Variants in CHMP3 observed in about 807,000 individuals in gnomAD.
The protein encoded by CHMP3 is charged multivesicular body protein 3.
CHMP3 carries 8 observed loss-of-function variants against 27.4 expected under a neutral mutation model. The ratio of observed to expected loss-of-function variants is 0.29; its 90% confidence interval spans 0.17 to 0.53. CHMP3 has a LOEUF of 0.53. Ranked by LOEUF, CHMP3 falls within the 20% of genes least tolerant of loss-of-function variation. The pLI, the probability that CHMP3 is intolerant of heterozygous loss-of-function variation, is 0.96. For missense variants in CHMP3, 208 were observed against 271.5 expected (o/e 0.77, Z 1.64); for synonymous variants, 86 against 85.5 (o/e 1.01, Z -0.03).
intron 3 of CHMP3, chr2:86,510,815 A>C: frequency 4.0e-6 from 1 of 248,944 alleles, no homozygotes; most frequent in Non-Finnish European, 7.9e-6. Flanking sequence ...AGAGCTCCAG[A>C]CCTTGTAAAG....
chr2:86,556,269 C>T (rs1677117705), intron 1 of CHMP3, among the ~76,000 whole-genome samples: 1 of 152,186 alleles, frequency 6.6e-6, no homozygotes, highest in African/African-American at 2.4e-5. Flanking sequence ...TAGGATTTTG[C>T]ATATCTTTCA....
At chr2:86,516,355 A>T (rs1052478048) in intron 3 of CHMP3, among the ~76,000 whole-genome samples, 2 of 152,204 alleles carry the variant, frequency 1.3e-5, no homozygotes, top group Admixed American at 1.3e-4. Flanking sequence ...TTGAAGACAC[A>T]GAAAAGTAGA....
intron 3 of CHMP3, among the ~76,000 whole-genome samples, chr2:86,517,332 T>G (rs111991344): frequency 0.041 from 6,248 of 150,666 alleles, 192 homozygotes; most frequent in African/African-American, 0.085. Flanking sequence ...TTTGGGAGAC[T>G]GAGGAGGGCA....
intron 2 of CHMP3, among the ~76,000 whole-genome samples, chr2:86,536,059 G>A (rs1676124997): frequency 7.0e-6 from 1 of 143,586 alleles, no homozygotes; most frequent in African/African-American, 2.5e-5. Context: ...GCAGTGGCGG[G>A]ATCTCGGCTC....
At chr2:86,546,048 G>A (rs926491173) in intron 1 of CHMP3, among the ~76,000 whole-genome samples, 3 of 152,188 alleles carry the variant, frequency 2.0e-5, no homozygotes, top group African/African-American at 4.8e-5. Context: ...CTGAGATCAC[G>A]CCACTGCACT....
At chr2:86,520,242 T>C (rs918329368) in intron 3 of CHMP3, among the ~76,000 whole-genome samples, 2 of 152,196 alleles carry the variant, frequency 1.3e-5, no homozygotes, top group African/African-American at 4.8e-5. Flanking sequence ...GGGTTGTTTA[T>C]AAAGAAAAGA....
intron 2 of CHMP3, among the ~76,000 whole-genome samples, chr2:86,538,206 T>G (rs955652101): frequency 6.6e-6 from 1 of 152,190 alleles, no homozygotes; most frequent in Non-Finnish European, 1.5e-5. Context: ...TTATATGAGG[T>G]ACTTAGAATC....
chr2:86,543,681 A>G (rs1329359244), intron 1 of CHMP3, among the ~76,000 whole-genome samples: 1 of 152,208 alleles, frequency 6.6e-6, no homozygotes, highest in Non-Finnish European at 1.5e-5. Flanking sequence ...TACCACGGCA[A>G]GTACATTCCC....
intron 3 of CHMP3, 28 bp downstream of exon 3, chr2:86,529,190 G>C (rs780330192): frequency 1.9e-6 from 3 of 1,545,830 alleles, no homozygotes; most frequent in African/African-American, 1.4e-5. Flanking sequence ...GGCATTATGA[G>C]GTGACTGTAA....
At chr2:86,535,992 TTC>T (rs1422396300) in intron 2 of CHMP3, among the ~76,000 whole-genome samples, 3 of 99,532 alleles carry the variant, frequency 3.0e-5, no homozygotes, top group African/African-American at 8.7e-5. Flanking sequence ...TTATAAACCT[TTC>T]TTTTTTTTTT....
At chr2:86,561,206 G>C (rs1677346284) in intron 1 of CHMP3, among the ~76,000 whole-genome samples, 1 of 152,184 alleles carries the variant, frequency 6.6e-6, no homozygotes, top group Admixed American at 6.5e-5. Context: ...ATAGGCCTTA[G>C]AATACATAAC....
chr2:86,562,411 T>C (rs77354887), intron 1 of CHMP3, among the ~76,000 whole-genome samples: 61 of 152,306 alleles, frequency 4.0e-4, no homozygotes, highest in Non-Finnish European at 7.5e-4. Context: ...GTGTCCGAGA[T>C]TTAACAAGCT....
chr2:86,534,357 C>A (rs7598175), intron 2 of CHMP3, among the ~76,000 whole-genome samples: 11,734 of 151,930 alleles, frequency 0.077, 491 homozygotes, highest in African/African-American at 0.087. Context: ...CCATGACACC[C>A]AGCAATTTTT....
At position 86,556,235 on chromosome 2, in the gene CHMP3, G is replaced by T. The variant is rs6738663; in HGVS notation, c.45+7069C>A. ...CCTCCCATTTTTGACCCTCAGCTAC[G>T]TAGCTCCTCTCCTGGAGGCAATCTA... On this transcript the variant is annotated intron_variant, in intron 1 of 5. Transcript: ENST00000263856. Among the ~76,000 whole-genome samples, 18 of 152,092 alleles carry T rather than the reference G, an allele frequency of 1.2e-4. No individual in the cohort carries two copies. The East Asian group carries it at 3.5e-3, about 29-fold the overall frequency.
chr2:86,518,868 T>TAATC (rs1675415658), intron 3 of CHMP3, among the ~76,000 whole-genome samples: 1 of 152,192 alleles, frequency 6.6e-6, no homozygotes, highest in African/African-American at 2.4e-5. Context: ...ACATGAAAGT[T>TAATC]AATCATGTTT....
rs1335542401 is a variant in CHMP3, at chr2:86,525,518, G to A, written c.286+3700C>T. Among the ~76,000 whole-genome samples the A allele has an allele frequency of 4.0e-5, 6 of 150,678 alleles. 1 individual carries two copies. In the East Asian group the frequency reaches 1.2e-3, roughly 30 times the overall value. On this transcript the variant is annotated intron_variant, in intron 3 of 5. Transcript: ENST00000263856. ...ACTGCACTCCAGCCTGGGCGACAGT[G>A]CGAGATCTTGTCTCAAAAAAAAAAA... is the stretch of plus-strand genomic sequence containing the variant.
Position 86,507,610 on chromosome 2 carries a change from T to A in CHMP3, c.409-17A>T, listed in dbSNP as rs759728864. On this transcript the variant is annotated splice_polypyrimidine_tract_variant and intron_variant, in intron 4 of 5. Transcript: ENST00000263856. ...GATCCCAGCCTAAACAGAATAAATA[T>A]GTCACTTCGGTCAACTGTTAAATCT... 1 of 1,607,474 alleles carries A rather than the reference T, an allele frequency of 6.2e-7. No individual in the cohort carries two copies.
chr2:86,514,695 CATTA>C (rs1411971399), intron 3 of CHMP3, among the ~76,000 whole-genome samples: 1 of 152,078 alleles, frequency 6.6e-6, no homozygotes, highest in Admixed American at 6.5e-5. Context: ...ATAAACAAAG[CATTA>C]TTTAATGGTA....
chr2:86,526,307 G>A (rs1019971099), intron 3 of CHMP3, among the ~76,000 whole-genome samples: 1 of 152,168 alleles, frequency 6.6e-6, no homozygotes, highest in Non-Finnish European at 1.5e-5. Context: ...GAGAATGCTC[G>A]AGTTTAGTAG....
Sources: gnomAD v4.1 joint callset for allele counts (sites outside exome capture counted in the v4.1 genomes callset) on GRCh38, gnomAD v4.1.1 for gene constraint, MANE v1.5 for transcripts, NCBI Gene and HGNC (gene_info 2026-07-23, HGNC 2026-07-21) for gene names.